Variants in SLC4A10 observed in about 807,000 individuals in gnomAD.
SLC4A10 encodes the protein solute carrier family 4 member 10.
SLC4A10 carries 42 observed loss-of-function variants against 137.7 expected under a neutral mutation model. The ratio of observed to expected loss-of-function variants is 0.30; its 90% CI spans 0.24 to 0.39. SLC4A10 has a LOEUF of 0.39. SLC4A10 is among the 10% of genes least tolerant of loss of function. The pLI is 1.00. For synonymous variants in SLC4A10, 474 were observed against 464.1 expected, an observed-to-expected ratio of 1.02 and a Z score of -0.27; for missense variants, 925 against 1,355.0, an observed-to-expected ratio of 0.68 and a Z score of 4.98.
chr2:161,762,406 G>A (rs745939925), intron 1 of SLC4A10, among the ~76,000 whole-genome samples: 2 of 152,012 alleles, frequency 1.3e-5, no homozygotes, highest in African/African-American at 2.4e-5. Flanking sequence ...AGCAGTCTCC[G>A]AGCTGATACT....
chr2:161,976,836 G>A lies in SLC4A10; in HGVS notation c.3304G>A (p.Asp1102Asn), dbSNP rs1393751149. 6.9e-6 allele frequency: 11 copies of A among 1,602,444 alleles called. No homozygotes were observed. Among genetic ancestry groups the A allele is most frequent in the South Asian group, 2.3e-5 (2 of 88,042 alleles). The change falls in exon 25 of 27, where the codon GAT becomes AAT. Residue 1102 changes from aspartate to asparagine, a missense_variant. Asp to Asn is a conservative substitution (Grantham distance 23, BLOSUM62 1). Around this residue, in one of 11 missense-constraint regions of SLC4A10, gnomAD observed 84 missense variants for 76.9 expected, o/e 1.09. Coordinates refer to ENST00000446997, the MANE Select transcript of SLC4A10 (RefSeq NM_001178015.2). ...GTGGAGGAACCTTCTGATTACTGCC[G>A]ATAACTCAAAAGATAAGGAGTCAAG... ...ALWRNLLITA[D>N]NSKDKESSFP...
intron 23 of SLC4A10, among the ~76,000 whole-genome samples, chr2:161,972,587 T>G (rs545723347): frequency 7.0e-4 from 107 of 152,036 alleles, no homozygotes; most frequent in Middle Eastern, 3.4e-3. Context: ...AAAAGAAAAT[T>G]TTTTCCTTGA....
chr2:161,734,894 C>T (rs1441435755), intron 1 of SLC4A10, among the ~76,000 whole-genome samples: 1 of 151,868 alleles, frequency 6.6e-6, no homozygotes, highest in Non-Finnish European at 1.5e-5. Flanking sequence ...GGGTGGTTTC[C>T]CACATACTCT....
At chr2:161,671,334 A>G (rs1322009575) in intron 1 of SLC4A10, among the ~76,000 whole-genome samples, 1 of 152,172 alleles carries the variant, frequency 6.6e-6, no homozygotes, top group Non-Finnish European at 1.5e-5. Flanking sequence ...CAGCACCTTA[A>G]TCTTGGACTT....
At chr2:161,898,614 G>A (rs2063760498) in intron 11 of SLC4A10, among the ~76,000 whole-genome samples, 2 of 152,008 alleles carry the variant, frequency 1.3e-5, no homozygotes, top group Admixed American at 1.3e-4. Context: ...GTTAAGAGAA[G>A]AATAACCTGT....
chr2:161,899,676 C>T (rs1005836817), intron 11 of SLC4A10, among the ~76,000 whole-genome samples: 2 of 152,080 alleles, frequency 1.3e-5, no homozygotes, highest in Admixed American at 1.3e-4. Flanking sequence ...CATAATAATG[C>T]TTGCTTTCTG....
rs73005132 is a variant in SLC4A10 at position 161,754,343 on chromosome 2, A to G, written c.49-16630A>G. ...GAACATAACACTTTTTAAAATTGCA[A>G]TAGAATTTTTCTATAAAACAGCTCT... On this transcript the variant is annotated intron_variant, in intron 1 of 26. Coordinates refer to ENST00000446997, the MANE Select transcript of SLC4A10 (RefSeq NM_001178015.2). Among the ~76,000 whole-genome samples, 954 of 152,292 alleles carry G rather than the reference A, an allele frequency of 6.3e-3. 10 individuals are homozygous for G. Among genetic ancestry groups the G allele is most frequent in the African/African-American group, 0.022 (901 of 41,554 alleles).
intron 15 of SLC4A10, among the ~76,000 whole-genome samples, chr2:161,932,952 A>G (rs1210703348): frequency 5.3e-5 from 8 of 152,126 alleles, no homozygotes; most frequent in Non-Finnish European, 1.0e-4. Context: ...TAGATTCCCC[A>G]TATAAGTGAG....
At chr2:161,758,089 A>G (rs1386120515) in intron 1 of SLC4A10, among the ~76,000 whole-genome samples, 1 of 151,778 alleles carries the variant, frequency 6.6e-6, no homozygotes, top group African/African-American at 2.4e-5. Context: ...AATTTGAGAT[A>G]TTTTTAGTAT....
At chr2:161,899,498 C>G (rs771344778) in intron 11 of SLC4A10, among the ~76,000 whole-genome samples, 40 of 152,104 alleles carry the variant, frequency 2.6e-4, no homozygotes, top group Non-Finnish European at 4.9e-4. Flanking sequence ...GGTCAATTCT[C>G]AGCCTGCATT....
intron 17 of SLC4A10, 106 bp downstream of exon 17, chr2:161,947,833 G>C: frequency 7.9e-7 from 1 of 1,263,446 alleles, no homozygotes; most frequent in East Asian, 2.4e-5. Flanking sequence ...TGAGTGAGCT[G>C]CCAGGTTAGT....
At chr2:161,971,728 C>T (rs1559659540) in intron 23 of SLC4A10, among the ~76,000 whole-genome samples, 4 of 152,202 alleles carry the variant, frequency 2.6e-5, no homozygotes, top group Non-Finnish European at 5.9e-5. Flanking sequence ...CCTCCATCCC[C>T]GCGCTCCGGG....
At chr2:161,916,324 C>T (rs1687105913) in intron 15 of SLC4A10, among the ~76,000 whole-genome samples, 1 of 152,172 alleles carries the variant, frequency 6.6e-6, no homozygotes, top group African/African-American at 2.4e-5. Context: ...CTTGTCTATT[C>T]CCTTTTTCAC....
At position 161,782,913 on chromosome 2, in the gene SLC4A10, G is replaced by A. The variant is rs187912780; in HGVS notation, c.130+11859G>A. On this transcript the variant is annotated intron_variant, in intron 2 of 26. Coordinates refer to ENST00000446997, the MANE Select transcript of SLC4A10 (RefSeq NM_001178015.2). ...GAATTCCAGAAGGAGAAGAGAGAAG[G>A]AAAGAACCAGAAGATTTATTCAAAG... Among the ~76,000 whole-genome samples, 31 of 139,862 alleles carry A rather than the reference G, an allele frequency of 2.2e-4. No homozygotes were observed. The East Asian group carries it at 5.9e-3, about 27-fold the overall frequency. 91.8% of individuals were successfully genotyped at this position (139,862 alleles called of 152,430 possible).
At chr2:161,781,425 T>C (rs553637984) in intron 2 of SLC4A10, among the ~76,000 whole-genome samples, 2 of 152,078 alleles carry the variant, frequency 1.3e-5, no homozygotes, top group East Asian at 3.9e-4. Flanking sequence ...CAGAAAATGT[T>C]CTATATAAAA....
rs200953135 is a variant in SLC4A10 at position 161,949,298 on chromosome 2, G to A, written c.2379+37G>A. 114 of 1,336,900 alleles carry A rather than the reference G, an allele frequency of 8.5e-5. No homozygotes were observed. In the East Asian group the frequency reaches 1.5e-3, roughly 18 times the overall value. The allele number at this position is 1,336,900 out of a possible 1,614,324, so 82.8% of individuals were successfully genotyped here. ...CTCTCTCCCTCTTCCCATCTCTCTCGGTCTAATCTTCATTTAGATGATACC... is the reference window on the plus strand; with the variant it reads ...CTCTCTCCCTCTTCCCATCTCTCTCAGTCTAATCTTCATTTAGATGATACC... On this transcript the variant is annotated intron_variant, in intron 18 of 26. Transcript: ENST00000446997.
chr2:161,664,190 G>A (rs1274904614), intron 1 of SLC4A10, among the ~76,000 whole-genome samples: 2 of 151,870 alleles, frequency 1.3e-5, no homozygotes, highest in Non-Finnish European at 2.9e-5. Context: ...TGTTTTCTTA[G>A]TAAAATGAAT....
At chr2:161,676,032 A>G (rs543493373) in intron 1 of SLC4A10, among the ~76,000 whole-genome samples, 1 of 152,164 alleles carries the variant, frequency 6.6e-6, no homozygotes, top group Non-Finnish European at 1.5e-5. Context: ...AAATTGCTAC[A>G]CTAGAACCTC....
At chr2:161,702,639 G>T (rs572692666) in intron 1 of SLC4A10, among the ~76,000 whole-genome samples, 1 of 151,852 alleles carries the variant, frequency 6.6e-6, no homozygotes, top group South Asian at 2.1e-4. Context: ...AGCTTGCTCT[G>T]GGAAAATGAC....
Sources: gnomAD v4.1 joint callset for allele counts (sites outside exome capture counted in the v4.1 genomes callset) on GRCh38, gnomAD v4.1.1 for gene constraint, gnomAD v4.1.1 regional missense constraint, MANE v1.5 for transcripts, NCBI Gene and HGNC (gene_info 2026-07-23, HGNC 2026-07-21) for gene names.